The following PCDH15 variants were observed in gnomAD, a reference collection of about 807,000 sequenced individuals.
The protein encoded by PCDH15 is protocadherin-15.
A neutral mutation model predicts 178.5 loss-of-function variants in PCDH15; 129 were observed. That is an observed-to-expected ratio of 0.72 (90% CI 0.63 to 0.84). The LOEUF is 0.84. Ranked by LOEUF, PCDH15 falls within the 40% of genes least tolerant of loss-of-function variation. The pLI is 0.00. For missense variants in PCDH15, 2,230 were observed against 2,099.9 expected, an observed-to-expected ratio of 1.06 and a Z score of -1.21; for synonymous variants, 800 against 732.0, an observed-to-expected ratio of 1.09 and a Z score of -1.50.
intron 8 of PCDH15, among the ~76,000 whole-genome samples, chr10:54,311,728 A>T (rs1305705392): frequency 6.6e-6 from 1 of 152,040 alleles, no homozygotes; most frequent in Non-Finnish European, 1.5e-5. Context: ...ATATAATATT[A>T]ATCTTAGTGT....
At chr10:55,013,263 T>C (rs1248555964) in intron 2 of PCDH15, among the ~76,000 whole-genome samples, 5 of 152,210 alleles carry the variant, frequency 3.3e-5, no homozygotes, top group Non-Finnish European at 7.3e-5. Flanking sequence ...CTTCATCATC[T>C]ATTAGCTCCT....
At chr10:54,390,023 TA>T (rs1324510234) in intron 3 of PCDH15, among the ~76,000 whole-genome samples, 1 of 152,222 alleles carries the variant, frequency 6.6e-6, no homozygotes, top group Non-Finnish European at 1.5e-5. Flanking sequence ...TAATGTGCTG[TA>T]AAAGTTCAGA....
intron 15 of PCDH15, among the ~76,000 whole-genome samples, chr10:54,115,607 C>T (rs2095099665): frequency 6.6e-6 from 1 of 152,182 alleles, no homozygotes; most frequent in African/African-American, 2.4e-5. Flanking sequence ...AGCCTTACAA[C>T]CCTGAAGGAC....
At chr10:55,476,169 T>G (rs1043378010) in intron 2 of PCDH15, among the ~76,000 whole-genome samples, 1 of 152,092 alleles carries the variant, frequency 6.6e-6, no homozygotes, top group African/African-American at 2.4e-5. Flanking sequence ...TTGATTTGAT[T>G]GCTATGGAAT....
At chr10:54,737,659 A>G (rs7087693) in intron 1 of PCDH15, among the ~76,000 whole-genome samples, 19,060 of 152,090 alleles carry the variant, frequency 0.13, 1,356 homozygotes, top group African/African-American at 0.18. Context: ...AGTCAAAAGC[A>G]TAAATTTGAT....
chr10:54,554,919 A>G (rs1273403387), intron 2 of PCDH15, among the ~76,000 whole-genome samples: 1 of 152,192 alleles, frequency 6.6e-6, no homozygotes, highest in Non-Finnish European at 1.5e-5. Context: ...TTTCTCCTCA[A>G]TTTATCAAGT....
At chr10:54,742,408 C>A (rs1457338719) in intron 1 of PCDH15, among the ~76,000 whole-genome samples, 6 of 151,910 alleles carry the variant, frequency 3.9e-5, no homozygotes. Context: ...CTAGTTGTTA[C>A]CCCTCATTAT....
intron 1 of PCDH15, among the ~76,000 whole-genome samples, chr10:55,251,540 T>C (rs868104675): frequency 6.6e-6 from 1 of 152,300 alleles, no homozygotes; most frequent in Middle Eastern, 3.4e-3. Flanking sequence ...TTGCTAAGTG[T>C]CCCATTTTAT....
At chr10:54,144,578 T>G (rs536454738) in intron 14 of PCDH15, among the ~76,000 whole-genome samples, 22 of 152,260 alleles carry the variant, frequency 1.4e-4, no homozygotes, top group Non-Finnish European at 2.9e-4. Flanking sequence ...TAATTTTAGT[T>G]GGTCGGGAGG....
chr10:54,851,271 A>G (rs1029633290), intron 3 of PCDH15, among the ~76,000 whole-genome samples: 22 of 152,146 alleles, frequency 1.4e-4, no homozygotes, highest in African/African-American at 5.1e-4. Flanking sequence ...AAAATTAAAA[A>G]AGGAAGTTTT....
chr10:54,211,441 T>G (rs1202862889), intron 10 of PCDH15, among the ~76,000 whole-genome samples: 1 of 152,182 alleles, frequency 6.6e-6, no homozygotes, highest in Non-Finnish European at 1.5e-5. Context: ...GTTTTAATCT[T>G]TTCATAGTCT....
intron 1 of PCDH15, among the ~76,000 whole-genome samples, chr10:54,718,696 TTTTTTTTTC>T (rs1484793815): frequency 6.5e-4 from 92 of 140,814 alleles, no homozygotes; most frequent in African/African-American, 2.3e-3. Context: ...TTTTTTTTTT[TTTTTTTTTC>T]TTTTGAGATG....
At chr10:54,289,959 T>C (rs1250185961) in intron 8 of PCDH15, among the ~76,000 whole-genome samples, 1 of 151,904 alleles carries the variant, frequency 6.6e-6, no homozygotes, top group African/African-American at 2.4e-5. Context: ...TGGAACCAAG[T>C]TGGAAAACAC....
chr10:54,331,258 CCTTTCTTT>C (rs1012946950), intron 6 of PCDH15, among the ~76,000 whole-genome samples: 6 of 151,496 alleles, frequency 4.0e-5, no homozygotes, highest in Non-Finnish European at 5.9e-5. Flanking sequence ...TGATCTGTCT[CCTTTCTTT>C]CTTTCTTTGT....
intron 2 of PCDH15, among the ~76,000 whole-genome samples, chr10:55,095,465 A>C (rs1015043019): frequency 1.3e-4 from 19 of 151,700 alleles, no homozygotes; most frequent in Non-Finnish European, 2.6e-4. Flanking sequence ...TGTTACTTGG[A>C]TTTTCTCTCA....
At chr10:54,524,121 T>C (rs902258250) in intron 3 of PCDH15, among the ~76,000 whole-genome samples, 7 of 152,238 alleles carry the variant, frequency 4.6e-5, no homozygotes, top group South Asian at 2.1e-4. Context: ...TAAAAAATTA[T>C]ACAATCTAAA....
intron 3 of PCDH15, among the ~76,000 whole-genome samples, chr10:54,448,725 C>T (rs1188363865): frequency 6.6e-6 from 1 of 151,682 alleles, no homozygotes; most frequent in East Asian, 1.9e-4. Context: ...CAAAGGCAAA[C>T]AGGAACAGTA....
chr10:54,807,903 C>CA (rs1232172635), intron 3 of PCDH15, among the ~76,000 whole-genome samples: 4 of 151,346 alleles, frequency 2.6e-5, no homozygotes, highest in Admixed American at 2.6e-4. Context: ...TCTACATTGA[C>CA]AGCCTGTGGA....
At chr10:55,200,616 G>A (rs1840218193) in intron 1 of PCDH15, among the ~76,000 whole-genome samples, 1 of 151,978 alleles carries the variant, frequency 6.6e-6, no homozygotes, top group Non-Finnish European at 1.5e-5. Flanking sequence ...GCTTTGGGAG[G>A]GGCCAGGAAC....
Sources: gnomAD v4.1 joint callset for allele counts (sites outside exome capture counted in the v4.1 genomes callset) on GRCh38, gnomAD v4.1.1 for gene constraint, MANE v1.5 for transcripts, NCBI Gene and HGNC (gene_info 2026-07-23, HGNC 2026-07-21) for gene names.